The following GABRG3 variants were observed in gnomAD, a reference collection of about 807,000 sequenced individuals.
The protein encoded by GABRG3 is gamma-aminobutyric acid receptor subunit gamma-3.
A neutral mutation model predicts 48.8 loss-of-function variants in GABRG3; 25 were observed. The observed-to-expected ratio is 0.51, with a 90% CI of 0.37 to 0.72. The LOEUF is 0.72. Ranked by LOEUF, GABRG3 falls within the 30% of genes least tolerant of loss-of-function variation. The pLI is 0.00. For missense variants in GABRG3, 394 were observed against 577.9 expected (o/e 0.68, Z 3.26); for synonymous variants, 227 against 217.6 (o/e 1.04, Z -0.38).
intron 3 of GABRG3, among the ~76,000 whole-genome samples, chr15:27,303,189 G>A (rs1038048160): frequency 6.6e-6 from 1 of 151,308 alleles, no homozygotes; most frequent in Non-Finnish European, 1.5e-5. Flanking sequence ...ATCTAATTCT[G>A]TGAAAATATT....
At chr15:27,163,472 T>C (rs1172559999) in intron 3 of GABRG3, among the ~76,000 whole-genome samples, 1 of 152,078 alleles carries the variant, frequency 6.6e-6, no homozygotes, top group Non-Finnish European at 1.5e-5. Flanking sequence ...AACCTCCATG[T>C]GATCACATGG....
At chr15:27,321,352 T>TG (rs980808329) in intron 3 of GABRG3, among the ~76,000 whole-genome samples, 1 of 152,158 alleles carries the variant, frequency 6.6e-6, no homozygotes, top group Admixed American at 6.5e-5. Context: ...GGCCAGACCT[T>TG]GGGAAAACCC....
chr15:27,006,529 G>T (rs560675617), intron 2 of GABRG3, among the ~76,000 whole-genome samples: 1 of 152,072 alleles, frequency 6.6e-6, no homozygotes, highest in Non-Finnish European at 1.5e-5. Flanking sequence ...TAGCTTCAGG[G>T]GTACAGATGT....
intron 5 of GABRG3, among the ~76,000 whole-genome samples, chr15:27,351,921 G>A (rs567640512): frequency 1.1e-4 from 16 of 149,446 alleles, no homozygotes; most frequent in African/African-American, 3.9e-4. Flanking sequence ...GTGTGTGTGT[G>A]TTTGTGTGTG....
intron 3 of GABRG3, among the ~76,000 whole-genome samples, chr15:27,143,233 C>T (rs1728697393): frequency 6.6e-6 from 1 of 152,144 alleles, no homozygotes; most frequent in South Asian, 2.1e-4. Context: ...CATGTGCCAC[C>T]ACGCCTGGAT....
chr15:27,361,641 A>G (rs2140547017), intron 5 of GABRG3, among the ~76,000 whole-genome samples: 1 of 152,326 alleles, frequency 6.6e-6, no homozygotes, highest in African/African-American at 2.4e-5. Context: ...TCCCAGGACC[A>G]GGCATAAGCA....
chr15:27,446,941 T>C (rs1888962804), intron 5 of GABRG3, among the ~76,000 whole-genome samples: 1 of 152,126 alleles, frequency 6.6e-6, no homozygotes, highest in African/African-American at 2.4e-5. Flanking sequence ...CTCACACACT[T>C]TGTGCCTTAC....
chr15:27,192,264 G>T (rs1429392060), intron 3 of GABRG3, among the ~76,000 whole-genome samples: 1 of 152,050 alleles, frequency 6.6e-6, no homozygotes, highest in African/African-American at 2.4e-5. Context: ...GAATCTGAAC[G>T]TTGGCCTGCC....
chr15:27,267,480 C>A (rs1173035177), intron 3 of GABRG3, among the ~76,000 whole-genome samples: 1 of 150,796 alleles, frequency 6.6e-6, no homozygotes, highest in African/African-American at 2.4e-5. Flanking sequence ...TGCTCTCTTG[C>A]CCAGGCTGGA....
intron 3 of GABRG3, among the ~76,000 whole-genome samples, chr15:27,302,685 A>T (rs1433604561): frequency 6.6e-6 from 1 of 152,050 alleles, no homozygotes; most frequent in African/African-American, 2.4e-5. Context: ...AGCAGAAGGC[A>T]CAAGTGCCCA....
intron 3 of GABRG3, among the ~76,000 whole-genome samples, chr15:27,088,446 T>G (rs948675795): frequency 6.6e-6 from 1 of 152,068 alleles, no homozygotes; most frequent in Admixed American, 6.5e-5. Flanking sequence ...TCTGGCCAAC[T>G]GGGGAGGCTG....
intron 3 of GABRG3, chr15:27,158,491 A>T (rs902910513): frequency 1.3e-5 from 2 of 152,212 alleles, no homozygotes; most frequent in Admixed American, 1.3e-4. Flanking sequence ...AATTATACTT[A>T]TAAATACTGT....
intron 5 of GABRG3, among the ~76,000 whole-genome samples, chr15:27,432,763 C>T (rs903925780): frequency 1.3e-5 from 2 of 152,174 alleles, no homozygotes; most frequent in Non-Finnish European, 2.9e-5. Flanking sequence ...TTTCCTATCA[C>T]ATTTTGCTAT....
At chr15:27,479,728 A>G (rs184615458) in intron 5 of GABRG3, among the ~76,000 whole-genome samples, 3 of 152,362 alleles carry the variant, frequency 2.0e-5, no homozygotes, top group East Asian at 1.9e-4. Context: ...GAGAATGCCA[A>G]TGCTGTCACG....
rs545913560 is a variant in GABRG3 at position 27,214,954 on chromosome 15, G to A, written c.271-111855G>A. On this transcript the variant is annotated intron_variant, in intron 3 of 9. Coordinates refer to ENST00000615808, the MANE Select transcript of GABRG3 (RefSeq NM_033223.5). The stretch of plus-strand genomic sequence containing the variant: ...CTGTGATTAGCTATTAAAATGAGTT[G>A]CATGGAACCCTATGGCTATTAGTAT... 2.6e-5 allele frequency among the ~76,000 whole-genome samples: 4 copies of A among 152,276 alleles called. No individual in the cohort carries two copies. The East Asian group carries it at 5.8e-4, about 22-fold the overall frequency.
At chr15:27,265,883 T>G (rs1319243754) in intron 3 of GABRG3, among the ~76,000 whole-genome samples, 1 of 130,234 alleles carries the variant, frequency 7.7e-6, no homozygotes, top group Non-Finnish European at 1.6e-5. Context: ...TTTCTCCTGG[T>G]TTTTTTTTTT....
At chr15:27,140,414 TGTTGTTGTGGA>T (rs1898082811) in intron 3 of GABRG3, among the ~76,000 whole-genome samples, 1 of 152,198 alleles carries the variant, frequency 6.6e-6, no homozygotes, top group African/African-American at 2.4e-5. Flanking sequence ...CTGTGTTCAT[TGTTGTTGTGGA>T]GTTAGAGAAT....
At chr15:27,234,230 GC>G (rs1889888574) in intron 3 of GABRG3, among the ~76,000 whole-genome samples, 1 of 152,104 alleles carries the variant, frequency 6.6e-6, no homozygotes, top group Non-Finnish European at 1.5e-5. Flanking sequence ...ATAAAAACAA[GC>G]CTCCCACAGC....
intron 5 of GABRG3, among the ~76,000 whole-genome samples, chr15:27,361,581 C>G (rs1194336904): frequency 1.3e-5 from 2 of 152,186 alleles, no homozygotes; most frequent in African/African-American, 4.8e-5. Context: ...GCTCCCCTGC[C>G]AGAGAAGACT....
Sources: gnomAD v4.1 joint callset for allele counts (sites outside exome capture counted in the v4.1 genomes callset) on GRCh38, gnomAD v4.1.1 for gene constraint, MANE v1.5 for transcripts, NCBI Gene and HGNC (gene_info 2026-07-23, HGNC 2026-07-21) for gene names.